Variants in FLNA observed in about 807,000 individuals in gnomAD.
The protein encoded by FLNA is filamin-A.
Under a neutral mutation model 157.6 loss-of-function variants are expected in FLNA, and 7 were observed. That is an observed-to-expected ratio of 0.04 (90% confidence interval 0.03 to 0.08). The LOEUF is 0.08. Among genes scored for constraint, FLNA ranks in the 10% least tolerant of loss-of-function variants. The probability of loss-of-function intolerance (pLI) is 1.00; values close to 1 mark genes in which losing one functional copy is unlikely to be tolerated. For missense variants in FLNA, 1,750 were observed against 2,398.4 expected, an observed-to-expected ratio of 0.73 and a Z score of 5.65; for synonymous variants, 1,103 against 1,060.8, an observed-to-expected ratio of 1.04 and a Z score of -0.77.
At position 154,354,008 on chromosome X, in the gene FLNA, A is replaced by G; in HGVS notation, c.5593T>C (p.Cys1865Arg). 1 of 1,211,942 alleles carries G rather than the reference A, an allele frequency of 8.3e-7. No individual in the cohort carries two copies. The highest frequency in any genetic ancestry group is 1.1e-6 in the Non-Finnish European group (1 of 895,442). The part of the protein sequence containing the change: ...PLQFYVDYVN[C>R]GHVTAYGPGL... ...GGCCCATAGGCAGTGACATGGCCAC[A>G]GTTGACGTAATCCACATAGAACTGC... Residue 1865 changes from cysteine (C) to arginine (R), a missense_variant, in exon 35 of 48, where the codon TGT becomes CGT. Transcript: ENST00000369850.
chrX:154,366,737 C>T lies in FLNA; in HGVS notation c.982G>A (p.Glu328Lys), dbSNP rs1342130392. Residue 328 changes from glutamate (E) to lysine (K), a missense_variant, in exon 6 of 48, where the codon GAG (glutamate) becomes AAG (lysine). Around this residue, in one of 5 missense-constraint regions of FLNA, gnomAD observed 648 missense variants for 805.8 expected, o/e 0.80. Coordinates refer to ENST00000369850, the MANE Select transcript of FLNA (RefSeq NM_001110556.2). ...VYVEDPAGHQ[E>K]EAKVTANNDK... ...CTGCCAGCAGCTGGCCCTACCTCCT[C>T]CTGGTGTCCGGCCGGGTCCTCCACG... The T allele has an allele frequency of 5.0e-6, 6 of 1,208,631 alleles. No homozygotes were observed. Among genetic ancestry groups the T allele is most frequent in the Non-Finnish European group, 6.7e-6 (6 of 892,404 alleles).
chrX:154,358,525 G>A lies in FLNA; in HGVS notation c.4518C>T (p.Thr1506=). 1.7e-6 allele frequency: 2 copies of A among 1,209,387 alleles called. No homozygotes were observed. The highest frequency in any genetic ancestry group is 3.5e-5 in the African/African-American group (2 of 57,641). The change falls in exon 27 of 48, where the codon ACC becomes ACT. Residue 1506 remains threonine, a synonymous_variant. Transcript: ENST00000369850. ...GGCTGGGCACATAATTGACGGTCTGGGTGCCATCAGCGTTGTCTACCACGT... is the reference window on the plus strand; with the variant it reads ...GGCTGGGCACATAATTGACGGTCTGAGTGCCATCAGCGTTGTCTACCACGT... The part of the protein sequence containing the change: ...PVDVVDNADG[T]QTVNYVPSRE...
At position 154,352,122 on chromosome X, in the gene FLNA, C is replaced by T. The variant is rs782401574; in HGVS notation, c.6769+59G>A. 339 of 1,206,904 alleles carry T rather than the reference C, an allele frequency of 2.8e-4. 2 individuals are homozygous for T. In the African/African-American group the frequency reaches 5.1e-3, roughly 18 times the overall value. On this transcript the variant is annotated intron_variant, in intron 41 of 47. Transcript: ENST00000369850. ...CATGCCTGCCGGCTCTTTCCTCCACCCCCAACCCCACCCTGGCCAACGCAG... is the reference window on the plus strand; with the variant it reads ...CATGCCTGCCGGCTCTTTCCTCCACTCCCAACCCCACCCTGGCCAACGCAG...
chrX:154,367,745 C>G lies in FLNA; in HGVS notation c.623-7G>C, dbSNP rs782670288. 2 of 1,210,809 alleles carry G rather than the reference C, an allele frequency of 1.7e-6. No homozygotes were observed. Among genetic ancestry groups the G allele is most frequent in the East Asian group, 3.0e-5 (1 of 33,841 alleles). ...TCCCAGTCAGGACACAGGCCTGTGG[C>G]GCAAGGGAGGCTGTGAGTCTGGGGG... On this transcript the variant is annotated splice_polypyrimidine_tract_variant and splice_region_variant and intron_variant, in intron 3 of 47. Coordinates refer to ENST00000369850, the MANE Select transcript of FLNA (RefSeq NM_001110556.2).
At chrX:154,373,288 C>A (rs1351762372) in intron 1 of FLNA, among the ~76,000 whole-genome samples, 1 of 112,425 alleles carries the variant, frequency 8.9e-6, no homozygotes. Context: ...GGGTTCATTC[C>A]TTAATCTTCA....
At chrX:154,362,896 C>CT in intron 15 of FLNA, 112 bp from the exon 16 acceptor site, 1 of 859,879 alleles carries the variant, frequency 1.2e-6, no homozygotes. Flanking sequence ...TGGGAAGAGT[C>CT]TGGCAGTTCC....
chrX:154,363,959 G>A, intron 15 of FLNA, 63 bp downstream of exon 15: 1 of 1,151,616 alleles, frequency 8.7e-7, no homozygotes, highest in Non-Finnish European at 1.2e-6. Context: ...ACTTGAAATG[G>A]ACGAATCGTG....
In FLNA at chrX:154,360,602, G is replaced by C; in HGVS notation, c.3208-15C>G. ...AACGCCTTCACCTGAGGGAAGAAGGGGTCAGGAGCCAAGGCCACACTATGC... is the reference window on the plus strand; with the variant it reads ...AACGCCTTCACCTGAGGGAAGAAGGCGTCAGGAGCCAAGGCCACACTATGC... On this transcript the variant is annotated splice_polypyrimidine_tract_variant and intron_variant, in intron 21 of 47. Coordinates refer to ENST00000369850, the MANE Select transcript of FLNA (RefSeq NM_001110556.2). 1 of 1,180,306 alleles carries C rather than the reference G, an allele frequency of 8.5e-7. No homozygotes were observed. Among genetic ancestry groups the C allele is most frequent in the African/African-American group, 1.7e-5 (1 of 57,438 alleles).
chrX:154,354,631 G>A lies in FLNA; in HGVS notation c.5298C>T (p.Gly1766=), dbSNP rs1557176501. The change falls in exon 32 of 48, where the codon GGC becomes GGT. Residue 1766 remains glycine, a synonymous_variant. Coordinates refer to ENST00000369850, the MANE Select transcript of FLNA (RefSeq NM_001110556.2). ...CAGGCCGTACCCAAGTCTGCTGGCC[G>A]CCCTGGGCGTAGGTGTACTGTGGGG... The part of the protein sequence containing the change: ...QLAPQYTYAQ[G]GQQTWAPERP... 7 of 1,202,790 alleles carry A rather than the reference G, an allele frequency of 5.8e-6. No individual in the cohort carries two copies. In the East Asian group the frequency reaches 1.2e-4, roughly 21 times the overall value.
In FLNA at chrX:154,359,068, G is replaced by A. The variant is rs1557177400; in HGVS notation, c.4390C>T (p.Arg1464Cys). The change falls in exon 26 of 48, where the codon CGT becomes TGT. Residue 1464 changes from arginine to cysteine, a missense_variant. Arg to Cys is a radical substitution (Grantham distance 180). Around this residue, in one of 5 missense-constraint regions of FLNA, gnomAD observed 970 missense variants for 1,302.6 expected, o/e 0.74. Transcript: ENST00000369850. ...TGGAAGGACTGAGGGAGGTTGGCAC[G>A]AACCATGCCTGGGCTCAGGCCGGGC... ...SGPGLSPGMV[R>C]ANLPQSFQVD... 4.1e-6 allele frequency: 5 copies of A among 1,211,171 alleles called. No homozygotes were observed. Among genetic ancestry groups the A allele is most frequent in the Non-Finnish European group, 5.6e-6 (5 of 895,268 alleles).
At chrX:154,350,359 ACCT>A in intron 44 of FLNA, 152 bp from the exon 45 acceptor site, 2 of 500,975 alleles carry the variant, frequency 4.0e-6, no homozygotes, top group Admixed American at 3.1e-5. Flanking sequence ...CCCGCAGCAG[ACCT>A]CCTGAGGGCC....
rs1271913157 is a variant in FLNA at position 154,354,001 on chromosome X, T to C, written c.5600A>G (p.His1867Arg). Reference sequence around the variant, plus strand: ...GAGGCCAGGCCCATAGGCAGTGACATGGCCACAGTTGACGTAATCCACATA... The same window carrying C: ...GAGGCCAGGCCCATAGGCAGTGACACGGCCACAGTTGACGTAATCCACATA... ...QFYVDYVNCG[H>R]VTAYGPGLTH... Residue 1867 changes from histidine to arginine, a missense_variant, in exon 35 of 48, where the codon CAT becomes CGT. Physicochemically the swap from His to Arg is conservative, Grantham distance 29 (BLOSUM62 0). Transcript: ENST00000369850. 11 of 1,210,594 alleles carry C rather than the reference T, an allele frequency of 9.1e-6. No individual in the cohort carries two copies. The highest frequency in any genetic ancestry group is 1.2e-5 in the Non-Finnish European group (11 of 895,127).
intron 1 of FLNA, among the ~76,000 whole-genome samples, chrX:154,373,366 T>G (rs891880586): frequency 1.3e-4 from 14 of 111,707 alleles, no homozygotes; most frequent in Non-Finnish European, 2.6e-4. Flanking sequence ...AGGAGGTGGG[T>G]GCCGTGTCTT....
intron 35 of FLNA, 37 bp downstream of exon 35, chrX:154,353,878 G>A (rs781887842): frequency 8.4e-5 from 102 of 1,208,849 alleles, no homozygotes; most frequent in South Asian, 8.3e-4. Flanking sequence ...AGGGCATCCC[G>A]GGCACAGAGC....
At chrX:154,373,560 T>G (rs782032082) in intron 1 of FLNA, among the ~76,000 whole-genome samples, 4 of 112,503 alleles carry the variant, frequency 3.6e-5, no homozygotes, top group Non-Finnish European at 7.5e-5. Context: ...TTCTTGGATG[T>G]TAGGCACACC....
chrX:154,365,579 C>T (rs1557179037), intron 9 of FLNA, 93 bp from the exon 10 acceptor site: 8 of 1,037,772 alleles, frequency 7.7e-6, no homozygotes, highest in Non-Finnish European at 1.1e-5. Context: ...ATTGGTGGGT[C>T]CCTCAGAGCT....
rs782771039 is a variant in FLNA, at chrX:154,354,171, T to C, written c.5537A>G (p.Tyr1846Cys). 6.6e-6 allele frequency: 8 copies of C among 1,211,671 alleles called. No homozygotes were observed. The highest frequency in any genetic ancestry group is 1.8e-5 in the South Asian group (1 of 57,018). Residue 1846 changes from tyrosine (Y) to cysteine (C), a missense_variant, in exon 34 of 48, where the codon TAT (tyrosine) becomes TGT (cysteine). Around this residue, in one of 5 missense-constraint regions of FLNA, gnomAD observed 970 missense variants for 1,302.6 expected, o/e 0.74. Coordinates refer to ENST00000369850, the MANE Select transcript of FLNA (RefSeq NM_001110556.2). Reference sequence around the variant, plus strand: ...CCCACCTGGGATGTGCATGTTGTCATAGCGGATGTCCATCTCGTGCAGGCC... The same window carrying C: ...CCCACCTGGGATGTGCATGTTGTCACAGCGGATGTCCATCTCGTGCAGGCC... ...EAGLHEMDIRYDNMHIPGSPL... is the reference protein window; with the variant it reads ...EAGLHEMDIRCDNMHIPGSPL...
At chrX:154,367,222 ATTCTCT>A (rs1210686575) in intron 5 of FLNA, among the ~76,000 whole-genome samples, 169 bp downstream of exon 5, 1 of 111,929 alleles carries the variant, frequency 8.9e-6, no homozygotes, top group African/African-American at 3.3e-5. Flanking sequence ...ACCTATTAGC[ATTCTCT>A]TGTCGTTTTC....
intron 1 of FLNA, among the ~76,000 whole-genome samples, chrX:154,372,317 G>A (rs1406239855): frequency 1.8e-5 from 2 of 113,134 alleles, no homozygotes; most frequent in Non-Finnish European, 3.8e-5. Flanking sequence ...AGTCCCCTCA[G>A]CCCAGCGTGG....
Sources: allele counts gnomAD v4.1 joint callset (sites outside exome capture counted in the v4.1 genomes callset), GRCh38; gene constraint gnomAD v4.1.1; regional missense constraint gnomAD v4.1.1; transcripts MANE v1.5; gene names NCBI Gene and HGNC (gene_info 2026-07-23, HGNC 2026-07-21).